Variants in ASTN1 observed in about 807,000 individuals in gnomAD.
The protein encoded by ASTN1 is astrotactin-1.
Under a neutral mutation model 140.7 loss-of-function variants are expected in ASTN1, and 41 were observed. The observed-to-expected ratio is 0.29, with a 90% CI of 0.23 to 0.38. The LOEUF is 0.38. Ranked by LOEUF, ASTN1 falls within the 10% of genes least tolerant of loss-of-function variation. The pLI is 1.00. For missense variants in ASTN1, 1,479 were observed against 1,678.8 expected, an observed-to-expected ratio of 0.88 and a Z score of 2.08; for synonymous variants, 640 against 652.2, an observed-to-expected ratio of 0.98 and a Z score of 0.29.
chr1:177,093,266 C>G (rs1403113107), intron 1 of ASTN1, among the ~76,000 whole-genome samples: 1 of 152,194 alleles, frequency 6.6e-6, no homozygotes, highest in Non-Finnish European at 1.5e-5. Flanking sequence ...ATCTAGAAAG[C>G]TAGTGCAGAA....
chr1:176,956,029 C>T (rs1475467675), intron 11 of ASTN1, among the ~76,000 whole-genome samples: 1 of 152,120 alleles, frequency 6.6e-6, no homozygotes, highest in African/African-American at 2.4e-5. Context: ...GAAATTGTCT[C>T]CTGAGGATCC....
intron 2 of ASTN1, among the ~76,000 whole-genome samples, chr1:177,038,814 T>C (rs774011679): frequency 1.1e-4 from 16 of 152,150 alleles, no homozygotes; most frequent in Non-Finnish European, 1.8e-4. Flanking sequence ...TCTACATAAT[T>C]TGGTTTTTAA....
intron 14 of ASTN1, among the ~76,000 whole-genome samples, chr1:176,938,880 G>A (rs1238773253): frequency 2.6e-5 from 4 of 152,246 alleles, no homozygotes; most frequent in Admixed American, 1.3e-4. Flanking sequence ...TTGGGAGGCC[G>A]AGGCAGGCAG....
intron 1 of ASTN1, among the ~76,000 whole-genome samples, chr1:177,062,289 A>G (rs1249341543): frequency 1.3e-5 from 2 of 151,588 alleles, no homozygotes; most frequent in Admixed American, 1.3e-4. Context: ...CATCTAGGCT[A>G]GAGAGCACTG....
chr1:177,138,730 G>A (rs930322247), intron 1 of ASTN1, among the ~76,000 whole-genome samples: 15 of 152,204 alleles, frequency 9.9e-5, no homozygotes, highest in African/African-American at 3.6e-4. Context: ...GGATATCACT[G>A]AACAGAAAAG....
At chr1:176,931,940 G>A (rs1421517670) in intron 16 of ASTN1, among the ~76,000 whole-genome samples, 1 of 152,206 alleles carries the variant, frequency 6.6e-6, no homozygotes, top group East Asian at 1.9e-4. Context: ...CCTATGTAAA[G>A]GAAGATTCAT....
At chr1:177,149,117 T>C (rs1446282711) in intron 1 of ASTN1, among the ~76,000 whole-genome samples, 1 of 134,278 alleles carries the variant, frequency 7.4e-6, no homozygotes, top group African/African-American at 2.8e-5. Flanking sequence ...AGTGTATATA[T>C]AGTAAATATA....
At chr1:177,093,900 T>C (rs565322703) in intron 1 of ASTN1, among the ~76,000 whole-genome samples, 36 of 152,288 alleles carry the variant, frequency 2.4e-4, no homozygotes, top group African/African-American at 8.4e-4. Context: ...GGTCACTGCA[T>C]TTAATTGAGG....
intron 2 of ASTN1, among the ~76,000 whole-genome samples, chr1:177,035,321 T>C (rs759335571): frequency 1.3e-5 from 2 of 152,190 alleles, no homozygotes; most frequent in Non-Finnish European, 2.9e-5. Flanking sequence ...CTGGCATCTA[T>C]CTTGCACAAC....
intron 8 of ASTN1, among the ~76,000 whole-genome samples, chr1:176,973,574 C>A (rs1673234595): frequency 6.6e-6 from 1 of 152,086 alleles, no homozygotes; most frequent in African/African-American, 2.4e-5. Context: ...AGTGATCAAA[C>A]CACATTTTCC....
intron 8 of ASTN1, among the ~76,000 whole-genome samples, chr1:177,002,931 C>A (rs1416139325): frequency 1.3e-5 from 2 of 151,182 alleles, no homozygotes; most frequent in South Asian, 2.1e-4. Context: ...GGAATAGAAA[C>A]CCTGAACAGA....
intron 21 of ASTN1, among the ~76,000 whole-genome samples, chr1:176,872,371 ACAGT>A (rs765061988): frequency 3.3e-5 from 5 of 152,270 alleles, no homozygotes; most frequent in African/African-American, 7.2e-5. Context: ...GTGGTAGGAG[ACAGT>A]CAGGTCAGGT....
intron 1 of ASTN1, among the ~76,000 whole-genome samples, chr1:177,111,241 A>AT (rs35879968): frequency 3.3e-5 from 5 of 151,930 alleles, no homozygotes; most frequent in African/African-American, 9.6e-5. Context: ...AGAAGTTAGA[A>AT]TTTTTTTTTA....
At chr1:176,936,457 GTGT>G (rs1671452515) in intron 14 of ASTN1, 87 bp from the exon 15 acceptor site, 3 of 1,013,964 alleles carry the variant, frequency 3.0e-6, no homozygotes, top group East Asian at 2.4e-5. Context: ...ATGAGGCGAA[GTGT>G]TGTAATTGTG....
rs149614988 is a variant in ASTN1, at chr1:177,030,614, G to A, written c.1012+192C>T. 3.3e-4 allele frequency among the ~76,000 whole-genome samples: 50 copies of A among 152,326 alleles called. 2 individuals are homozygous for A. In the East Asian group the frequency reaches 9.6e-3, roughly 29 times the overall value. On this transcript the variant is annotated intron_variant, in intron 4 of 22. Transcript: ENST00000361833. ...TTCCTAAGAATAGACTCTTGTTGGT[G>A]AAATTACTTGGTCAAAAGGTTTGCA...
intron 19 of ASTN1, among the ~76,000 whole-genome samples, chr1:176,883,231 CTTT>C (rs55903122): frequency 4.6e-5 from 6 of 130,472 alleles, no homozygotes; most frequent in Admixed American, 2.3e-4. Context: ...CTGAGAGCTT[CTTT>C]TTTTTTTTTT....
chr1:176,947,621 A>C (rs559868485), intron 12 of ASTN1, among the ~76,000 whole-genome samples: 1 of 152,334 alleles, frequency 6.6e-6, no homozygotes, highest in African/African-American at 2.4e-5. Flanking sequence ...ACACCAGCTT[A>C]GGTCTGGGAC....
intron 1 of ASTN1, among the ~76,000 whole-genome samples, chr1:177,067,054 A>C (rs1678396799): frequency 6.6e-6 from 1 of 152,016 alleles, no homozygotes; most frequent in Non-Finnish European, 1.5e-5. Context: ...TAGGAGTTTC[A>C]AAGTTGCTGT....
intron 1 of ASTN1, among the ~76,000 whole-genome samples, chr1:177,131,318 T>C (rs1391555682): frequency 6.6e-6 from 1 of 152,176 alleles, no homozygotes; most frequent in Non-Finnish European, 1.5e-5. Context: ...TGTTATACCA[T>C]AGATGTTCAC....
Sources: gnomAD v4.1 joint callset for allele counts (sites outside exome capture counted in the v4.1 genomes callset) on GRCh38, gnomAD v4.1.1 for gene constraint, MANE v1.5 for transcripts, NCBI Gene and HGNC (gene_info 2026-07-23, HGNC 2026-07-21) for gene names.